RBSN: variants seen among roughly 807,000 people sequenced by gnomAD.
The protein encoded by RBSN is rabenosyn, RAB effector, also known as rabenosyn-5.
In RBSN, 34 loss-of-function variants were observed where a neutral mutation model predicts 60.5. The observed-to-expected ratio is 0.56, with a 90% CI of 0.43 to 0.75. RBSN has a LOEUF of 0.75. RBSN is among the 30% of genes least tolerant of loss of function. RBSN has a pLI of 0.00. For missense variants in RBSN, 845 were observed against 986.8 expected (o/e 0.86, Z 1.92); for synonymous variants, 322 against 366.9 (o/e 0.88, Z 1.40).
intron 5 of RBSN, among the ~76,000 whole-genome samples, chr3:15,088,258 C>G (rs1231124657): frequency 1.3e-5 from 2 of 152,156 alleles, no homozygotes; most frequent in Non-Finnish European, 2.9e-5. Flanking sequence ...GAAAATCACC[C>G]CAGTAATCTC....
At chr3:15,075,023 GC>G in intron 13 of RBSN, 93 bp from the exon 14 acceptor site, 1 of 1,401,908 alleles carries the variant, frequency 7.1e-7, no homozygotes, top group Non-Finnish European at 9.5e-7. Context: ...CTATCCCTGT[GC>G]CAGTGACACT....
intron 5 of RBSN, 98 bp from the exon 6 acceptor site, chr3:15,086,059 G>A: frequency 1.5e-6 from 1 of 662,648 alleles, no homozygotes; most frequent in East Asian, 3.4e-5. Flanking sequence ...TCAAAAGCAG[G>A]TTGGTCAACA....
At chr3:15,086,169 G>A (rs979141665) in intron 5 of RBSN, 52 of 503,816 alleles carry the variant, frequency 1.0e-4, no homozygotes, top group South Asian at 3.5e-4. Flanking sequence ...AGGCCAAGGC[G>A]GGAAGATGGC....
chr3:15,091,210 CAAAAAAAAAAAAA>C (rs55655564), intron 4 of RBSN: 245 of 115,630 alleles, frequency 2.1e-3, no homozygotes, highest in Non-Finnish European at 2.7e-3. Flanking sequence ...GACCCTGTCT[CAAAAAAAAAAAAA>C]AAAAAAAAAA....
At chr3:15,090,727 A>C (rs1198811366) in intron 4 of RBSN, among the ~76,000 whole-genome samples, 188 bp from the exon 5 acceptor site, 1 of 152,250 alleles carries the variant, frequency 6.6e-6, no homozygotes, top group Non-Finnish European at 1.5e-5. Flanking sequence ...ACCACAGAGC[A>C]ATACACTAGT....
In RBSN at chr3:15,080,670, T is replaced by C. The variant is rs140434652; in HGVS notation, c.911+62A>G. The C allele has an allele frequency of 1.3e-5, 19 of 1,516,328 alleles. No homozygotes were observed. In the Admixed American group the frequency reaches 2.7e-4, roughly 22 times the overall value. 93.9% of individuals were successfully genotyped at this position (1,516,328 alleles called of 1,614,324 possible). A position where few individuals can be genotyped will look rare whatever the true frequency, so the allele number is the denominator to read the frequency against. The stretch of plus-strand genomic sequence containing the variant: ...ATTTTCATTTTTGGCTACTGGAGAA[T>C]TGACCTAAAATGCCAGAAAACAGTC... On this transcript the variant is annotated intron_variant, in intron 10 of 13. Transcript: ENST00000253699.
chr3:15,083,643 T>C (rs550267471), intron 8 of RBSN, among the ~76,000 whole-genome samples: 1 of 152,252 alleles, frequency 6.6e-6, no homozygotes, highest in African/African-American at 2.4e-5. Flanking sequence ...TTTGCAATCC[T>C]ACTCATCTTT....
In RBSN at chr3:15,084,400, G is replaced by A. The variant is rs1239873104; in HGVS notation, c.598+335C>T. 6.6e-6 allele frequency among the ~76,000 whole-genome samples: 1 copy of A among 152,228 alleles called. No homozygotes were observed. Among genetic ancestry groups the A allele is most frequent in the African/African-American group, 2.4e-5 (1 of 41,454 alleles). The stretch of plus-strand genomic sequence containing the variant: ...CTCAAAGTGCTGTGATTACAGGCAT[G>A]AGCCACTGTGCCCAGTCTAGTGTTC... On this transcript the variant is annotated intron_variant, in intron 8 of 13. Coordinates refer to ENST00000253699, the MANE Select transcript of RBSN (RefSeq NM_022340.4). The surrounding 1 kb of genome is among the most constrained non-coding windows in gnomAD (Gnocchi z 4.2).
Position 15,084,973 on chromosome 3 carries a change from T to C in RBSN, c.436+27A>G. On this transcript the variant is annotated intron_variant, in intron 7 of 13. Transcript: ENST00000253699. The surrounding 1 kb of genome is among the most constrained non-coding windows in gnomAD (Gnocchi z 4.2). Reference sequence around the variant, plus strand: ...GGTCAGGGAAAAAAAGATAATAAGATGAATGTGAGCAAAGTTTTAAAGTTA... The same window carrying C: ...GGTCAGGGAAAAAAAGATAATAAGACGAATGTGAGCAAAGTTTTAAAGTTA... The C allele has an allele frequency of 6.2e-7, 1 of 1,614,128 alleles. No homozygotes were observed.
chr3:15,078,187 C>G, intron 10 of RBSN, 26 bp from the exon 11 acceptor site: 1 of 1,605,516 alleles, frequency 6.2e-7, no homozygotes, highest in Non-Finnish European at 8.5e-7. Context: ...AGACACGTGA[C>G]CTAAGTTTCA....
chr3:15,096,449 G>A (rs552733719), intron 3 of RBSN, 86 bp downstream of exon 3: 24 of 209,930 alleles, frequency 1.1e-4, no homozygotes, highest in Admixed American at 2.9e-4. Context: ...CAAGCAAGCT[G>A]CAAAACCTAA....
Position 15,096,196 on chromosome 3 carries a change from G to A in RBSN, c.-76C>T. On this transcript the variant is annotated 5_prime_UTR_variant, in exon 4 of 14. Transcript: ENST00000253699. ...AGCTTGATTCCTCCCAAGGAACCAT[G>A]GTTCCCGCAGCATTAGCTTAAGCAG... 6.8e-7 allele frequency: 1 copy of A among 1,472,614 alleles called. No individual in the cohort carries two copies. The highest frequency in any genetic ancestry group is 1.4e-5 in the African/African-American group (1 of 70,654). The allele number at this position is 1,472,614 out of a possible 1,614,324, so 91.2% of individuals were successfully genotyped here.
At position 15,074,779 on chromosome 3, in the gene RBSN, C is replaced by T; in HGVS notation, c.1358G>A (p.Ser453Asn). The change falls in exon 14 of 14, where the codon AGT (serine) becomes AAT (asparagine). Residue 453 changes from serine (S) to asparagine (N), a missense_variant. Ser to Asn is a conservative substitution (Grantham distance 46). Coordinates refer to ENST00000253699, the MANE Select transcript of RBSN (RefSeq NM_022340.4). The surrounding 1 kb of genome is among the most constrained non-coding windows in gnomAD (Gnocchi z 6.4). ...WLPLSGGQGQ[S>N]EDSDPLLQQI... ...CTGGAGGAGCGGGTCTGAGTCCTCACTCTGCCCCTGACCTCCTGACAGTGG... is the reference window on the plus strand; with the variant it reads ...CTGGAGGAGCGGGTCTGAGTCCTCATTCTGCCCCTGACCTCCTGACAGTGG... 4 of 1,614,244 alleles carry T rather than the reference C, an allele frequency of 2.5e-6. No homozygotes were observed. The South Asian group carries it at 4.4e-5, about 18-fold the overall frequency.
At chr3:15,078,819 T>C (rs1311038760) in intron 10 of RBSN, among the ~76,000 whole-genome samples, 3 of 110,198 alleles carry the variant, frequency 2.7e-5, no homozygotes, top group African/African-American at 9.7e-5. Flanking sequence ...TATATATATA[T>C]ATATACATGG....
intron 5 of RBSN, among the ~76,000 whole-genome samples, chr3:15,089,490 A>AAAC (rs2043448691): frequency 4.1e-5 from 6 of 147,080 alleles, no homozygotes; most frequent in Admixed American, 1.4e-4. Flanking sequence ...AAAAAAAAAA[A>AAAC]CAGATATGTA....
In RBSN at chr3:15,074,320, A is replaced by G. The variant is rs2042992539; in HGVS notation, c.1817T>C (p.Val606Ala). The change falls in exon 14 of 14, where the codon GTT becomes GCT. Residue 606 changes from valine (V) to alanine (A), a missense_variant. Coordinates refer to ENST00000253699, the MANE Select transcript of RBSN (RefSeq NM_022340.4). The surrounding 1 kb of genome is among the most constrained non-coding windows in gnomAD (Gnocchi z 6.4). The part of the protein sequence containing the change: ...PTRVWSGPPA[V>A]GQERLPQSSM... ...GCTCTGGGGTAAGCGCTCCTGGCCAACGGCTGGGGGCCCAGACCACACTCT... is the reference window on the plus strand; with the variant it reads ...GCTCTGGGGTAAGCGCTCCTGGCCAGCGGCTGGGGGCCCAGACCACACTCT... 3 of 1,614,004 alleles carry G rather than the reference A, an allele frequency of 1.9e-6. No individual in the cohort carries two copies. Among genetic ancestry groups the G allele is most frequent in the Non-Finnish European group, 2.5e-6 (3 of 1,180,032 alleles).
chr3:15,085,272 C>A (rs2043310918), intron 6 of RBSN, among the ~76,000 whole-genome samples: 1 of 152,178 alleles, frequency 6.6e-6, no homozygotes, highest in South Asian at 2.1e-4. Context: ...TCTTTATTGT[C>A]AGTTACCCAT....
chr3:15,076,387 G>A (rs1313508458), intron 12 of RBSN, among the ~76,000 whole-genome samples: 2 of 152,072 alleles, frequency 1.3e-5, no homozygotes, highest in African/African-American at 4.8e-5. Context: ...GACTGCTTGA[G>A]CTCAAAAGTT....
At chr3:15,080,500 T>C (rs1011092942) in intron 10 of RBSN, among the ~76,000 whole-genome samples, 1 of 152,134 alleles carries the variant, frequency 6.6e-6, no homozygotes, top group African/African-American at 2.4e-5. Context: ...GTCAACTGAA[T>C]GTGGCTGTCT....
Sources: gnomAD v4.1 joint callset for allele counts (sites outside exome capture counted in the v4.1 genomes callset) on GRCh38, gnomAD v4.1.1 for gene constraint, Gnocchi (gnomAD v3.1) non-coding constraint, MANE v1.5 for transcripts, NCBI Gene and HGNC (gene_info 2026-07-23, HGNC 2026-07-21) for gene names.